Variants in TTC7B observed in about 807,000 individuals in gnomAD.
TTC7B encodes tetratricopeptide repeat domain 7B.
A neutral mutation model predicts 106.8 loss-of-function variants in TTC7B; 28 were observed. The observed-to-expected ratio is 0.26, with a 90% CI of 0.19 to 0.36. The LOEUF (loss-of-function observed/expected upper bound fraction) is 0.36, where lower values mean the gene tolerates loss of function less well. Ranked by LOEUF, TTC7B falls within the 10% of genes least tolerant of loss-of-function variation. TTC7B has a pLI of 1.00. For synonymous variants in TTC7B, 405 were observed against 430.6 expected (o/e 0.94, Z 0.74); for missense variants, 862 against 1,076.4 (o/e 0.80, Z 2.79).
rs1173295205 is a variant in TTC7B, at chr14:90,616,323, C to T, written c.1868+1606G>A. On this transcript the variant is annotated intron_variant, in intron 16 of 19. Coordinates refer to ENST00000328459, the MANE Select transcript of TTC7B (RefSeq NM_001010854.2). Reference sequence around the variant, plus strand: ...CAGGGGAGATAAATATGGACAGTTTCTATTTTTGCTTCCAGACTTAGAAAT... The same window carrying T: ...CAGGGGAGATAAATATGGACAGTTTTTATTTTTGCTTCCAGACTTAGAAAT... Among the ~76,000 whole-genome samples, 5 of 152,286 alleles carry T rather than the reference C, an allele frequency of 3.3e-5. No individual in the cohort carries two copies. The South Asian group carries it at 1.0e-3, about 32-fold the overall frequency.
At chr14:90,780,311 G>A (rs1891166753) in intron 3 of TTC7B, among the ~76,000 whole-genome samples, 1 of 151,852 alleles carries the variant, frequency 6.6e-6, no homozygotes, top group Admixed American at 6.6e-5. Context: ...AACCTGGGAG[G>A]CGGAGGTTGC....
chr14:90,593,717 C>T (rs921212719), intron 17 of TTC7B, 91 bp from the exon 18 acceptor site: 5 of 1,249,650 alleles, frequency 4.0e-6, no homozygotes, highest in Non-Finnish European at 5.4e-6. Context: ...GCGGAACACA[C>T]ACACCCCTTC....
At chr14:90,693,590 G>A (rs192917569) in intron 6 of TTC7B, among the ~76,000 whole-genome samples, 6 of 152,236 alleles carry the variant, frequency 3.9e-5, no homozygotes, top group East Asian at 3.9e-4. Flanking sequence ...AGCAGAGAAC[G>A]CTGCCAACAA....
chr14:90,708,298 A>G (rs1355746346), intron 5 of TTC7B, among the ~76,000 whole-genome samples: 1 of 152,156 alleles, frequency 6.6e-6, no homozygotes, highest in Non-Finnish European at 1.5e-5. Context: ...ACAGCCTTCT[A>G]TTGGAAGAAA....
At chr14:90,681,476 C>T (rs1887045198) in intron 7 of TTC7B, among the ~76,000 whole-genome samples, 1 of 144,616 alleles carries the variant, frequency 6.9e-6, no homozygotes, top group Admixed American at 7.0e-5. Flanking sequence ...TCCCCACACC[C>T]CCAATAAAAG....
At chr14:90,787,952 C>T (rs926406706) in intron 1 of TTC7B, among the ~76,000 whole-genome samples, 2 of 152,108 alleles carry the variant, frequency 1.3e-5, no homozygotes, top group Admixed American at 1.3e-4. Context: ...CACCTGAGGT[C>T]AGGAGTTTGA....
At chr14:90,718,894 G>A (rs997526041) in intron 5 of TTC7B, among the ~76,000 whole-genome samples, 3 of 110,990 alleles carry the variant, frequency 2.7e-5, no homozygotes, top group African/African-American at 6.6e-5. Context: ...GGAGACAACT[G>A]TAAACAAATT....
At chr14:90,767,466 G>C (rs1238100315) in intron 3 of TTC7B, among the ~76,000 whole-genome samples, 1 of 152,186 alleles carries the variant, frequency 6.6e-6, no homozygotes. Context: ...TGAAGACAGA[G>C]TGAGTGATTA....
chr14:90,752,074 G>C (rs1227199754), intron 3 of TTC7B, among the ~76,000 whole-genome samples: 1 of 152,180 alleles, frequency 6.6e-6, no homozygotes, highest in Admixed American at 6.5e-5. Flanking sequence ...ACACGGGGAG[G>C]GGTGCTGGGC....
chr14:90,674,942 G>T (rs770145570), intron 9 of TTC7B, among the ~76,000 whole-genome samples: 4 of 152,184 alleles, frequency 2.6e-5, no homozygotes, highest in Non-Finnish European at 5.9e-5. Flanking sequence ...CCACGAGGTG[G>T]GAGCTACATA....
chr14:90,709,430 A>G (rs1317186888), intron 5 of TTC7B, among the ~76,000 whole-genome samples: 3 of 149,896 alleles, frequency 2.0e-5, no homozygotes, highest in East Asian at 3.9e-4. Flanking sequence ...GCAAACTATC[A>G]CAAGGACAAA....
At chr14:90,548,106 G>A (rs1209845443) in intron 19 of TTC7B, among the ~76,000 whole-genome samples, 14 of 152,234 alleles carry the variant, frequency 9.2e-5, no homozygotes. Context: ...CTACGCCAGG[G>A]CATGGCTGAT....
intron 5 of TTC7B, among the ~76,000 whole-genome samples, chr14:90,705,425 C>T (rs779712339): frequency 2.0e-5 from 3 of 152,140 alleles, no homozygotes; most frequent in Non-Finnish European, 4.4e-5. Flanking sequence ...CCCAACAGCT[C>T]TAGGAGGGGC....
chr14:90,706,204 C>T (rs575106275), intron 5 of TTC7B, among the ~76,000 whole-genome samples: 20 of 149,330 alleles, frequency 1.3e-4, no homozygotes, highest in African/African-American at 5.0e-4. Context: ...CGCTCTGTTG[C>T]CCAGGCTGGG....
chr14:90,644,280 C>CACAT, intron 14 of TTC7B, 72 bp from the exon 15 acceptor site: 3 of 119,476 alleles, frequency 2.5e-5, no homozygotes, highest in South Asian at 2.3e-4. Flanking sequence ...CACACACACA[C>CACAT]GCGCGAAAGA....
At chr14:90,724,426 C>T (rs190524480) in intron 5 of TTC7B, among the ~76,000 whole-genome samples, 3 of 152,166 alleles carry the variant, frequency 2.0e-5, no homozygotes, top group South Asian at 2.1e-4. Context: ...TCCCCAATGT[C>T]GGAAATGGGG....
rs565417101 is a variant in TTC7B at position 90,802,049 on chromosome 14, G to A, written c.121+14126C>T. ...GTACTCCAGCCTGGACAACAAGAGC[G>A]AAAACTCCATCTCAGGAAGGAAAAA... On this transcript the variant is annotated intron_variant, in intron 1 of 19. Transcript: ENST00000328459. The surrounding 1 kb of genome is among the most constrained non-coding windows in gnomAD (Gnocchi z 4.7). Among the ~76,000 whole-genome samples, 13 of 147,568 alleles carry A rather than the reference G, an allele frequency of 8.8e-5. No individual in the cohort carries two copies. The highest frequency in any genetic ancestry group is 4.1e-4 in the Admixed American group (6 of 14,584).
intron 5 of TTC7B, among the ~76,000 whole-genome samples, chr14:90,722,840 G>A (rs931352751): frequency 2.0e-5 from 3 of 152,098 alleles, no homozygotes; most frequent in Non-Finnish European, 4.4e-5. Context: ...ACACCCTCAC[G>A]ATTTCCCTTC....
chr14:90,554,308 A>C (rs918663469), intron 19 of TTC7B, among the ~76,000 whole-genome samples: 1 of 152,202 alleles, frequency 6.6e-6, no homozygotes, highest in African/African-American at 2.4e-5. Context: ...AGGGCATTAG[A>C]GCATTCCCCA....
Sources: gnomAD v4.1 joint callset for allele counts (sites outside exome capture counted in the v4.1 genomes callset) on GRCh38, gnomAD v4.1.1 for gene constraint, Gnocchi (gnomAD v3.1) non-coding constraint, MANE v1.5 for transcripts, NCBI Gene and HGNC (gene_info 2026-07-23, HGNC 2026-07-21) for gene names.